Variants in RGS7 observed in about 807,000 individuals in gnomAD.
RGS7 encodes the protein regulator of G protein signaling 7.
In RGS7, 27 loss-of-function variants were observed where a neutral mutation model predicts 81.1. The observed-to-expected ratio is 0.33, with a 90% CI of 0.25 to 0.46. RGS7 has a LOEUF of 0.46. Ranked by LOEUF, RGS7 falls within the 20% of genes least tolerant of loss-of-function variation. RGS7 has a pLI of 1.00. For synonymous variants in RGS7, 208 were observed against 207.7 expected, an observed-to-expected ratio of 1.00 and a Z score of -0.01; for missense variants, 396 against 607.4, an observed-to-expected ratio of 0.65 and a Z score of 3.66.
chr1:240,981,242 T>C (rs1037757428), intron 4 of RGS7, among the ~76,000 whole-genome samples: 1 of 152,112 alleles, frequency 6.6e-6, no homozygotes, highest in African/African-American at 2.4e-5. Flanking sequence ...CCCAAGTAAC[T>C]GGGACTACAT....
chr1:241,027,702 T>C (rs1367189077), intron 3 of RGS7, among the ~76,000 whole-genome samples: 3 of 152,136 alleles, frequency 2.0e-5, no homozygotes, highest in Admixed American at 6.5e-5. Context: ...TTTGTATTTT[T>C]ACAACTGCAT....
intron 4 of RGS7, among the ~76,000 whole-genome samples, chr1:240,973,649 G>T (rs2148519312): frequency 6.6e-6 from 1 of 152,150 alleles, no homozygotes; most frequent in Middle Eastern, 3.4e-3. Context: ...GAGTGCAGTG[G>T]TGCCATCTCA....
rs187874169 is a variant in RGS7, at chr1:241,163,425, G to A, written c.79-64663C>T. Among the ~76,000 whole-genome samples, 219 of 152,200 alleles carry A rather than the reference G, an allele frequency of 1.4e-3. 2 individuals are homozygous for A. The highest frequency in any genetic ancestry group is 4.6e-3 in the African/African-American group (192 of 41,514). On this transcript the variant is annotated intron_variant, in intron 2 of 18. Coordinates refer to ENST00000440928, the MANE Select transcript of RGS7 (RefSeq NM_001364886.1). This position sits in a 1 kb window ranked among gnomAD's most constrained non-coding sequence, Gnocchi z 4.6. Reference sequence around the variant, plus strand: ...TAGCCATGCAAAGCTGTCTTTTGTCGGGGAGATACACATCTGCAGAGAAAA... The same window carrying A: ...TAGCCATGCAAAGCTGTCTTTTGTCAGGGAGATACACATCTGCAGAGAAAA...
chr1:241,178,984 T>C (rs2071382358), intron 2 of RGS7, among the ~76,000 whole-genome samples: 1 of 152,220 alleles, frequency 6.6e-6, no homozygotes, highest in Non-Finnish European at 1.5e-5. Context: ...CACATGCTAA[T>C]TATCTTCCAT....
At chr1:240,969,084 C>A (rs1317169270) in intron 4 of RGS7, among the ~76,000 whole-genome samples, 2 of 152,174 alleles carry the variant, frequency 1.3e-5, no homozygotes, top group East Asian at 3.8e-4. Flanking sequence ...TGAGTGGCTA[C>A]CCTGATGAAT....
chr1:241,166,504 C>T (rs2070258896), intron 2 of RGS7, among the ~76,000 whole-genome samples: 1 of 152,176 alleles, frequency 6.6e-6, no homozygotes, highest in South Asian at 2.1e-4. Context: ...GAGGGAGTCA[C>T]TCTGTAGCTG....
intron 3 of RGS7, among the ~76,000 whole-genome samples, chr1:240,999,780 C>T (rs1439143462): frequency 2.2e-5 from 3 of 135,906 alleles, no homozygotes; most frequent in Admixed American, 7.3e-5. Flanking sequence ...TTTTTTTTTT[C>T]CCAGTAGAGA....
Position 241,292,208 on chromosome 1 carries a change from T to G in RGS7, c.78+63491A>C, listed in dbSNP as rs377495009. ...TGACGCTGTTTTATAACTAACTTAT[T>G]ACATACTTCTACTTACATAAGTAAA... On this transcript the variant is annotated intron_variant, in intron 2 of 18. Coordinates refer to ENST00000440928, the MANE Select transcript of RGS7 (RefSeq NM_001364886.1). Among the ~76,000 whole-genome samples the G allele has an allele frequency of 5.3e-5, 8 of 152,220 alleles. No homozygotes were observed. The East Asian group carries it at 9.6e-4, about 18-fold the overall frequency.
chr1:240,794,899 A>G (rs1335470234), intron 18 of RGS7, among the ~76,000 whole-genome samples: 1 of 152,140 alleles, frequency 6.6e-6, no homozygotes, highest in Non-Finnish European at 1.5e-5. Flanking sequence ...AAATCCAGGT[A>G]AGGCTGGGCG....
At chr1:241,239,450 C>T (rs1028648133) in intron 2 of RGS7, among the ~76,000 whole-genome samples, 1 of 152,116 alleles carries the variant, frequency 6.6e-6, no homozygotes, top group African/African-American at 2.4e-5. Flanking sequence ...CATCATGTCC[C>T]CCCTTCACTC....
intron 2 of RGS7, among the ~76,000 whole-genome samples, chr1:241,234,763 C>T (rs776686335): frequency 3.3e-5 from 5 of 152,056 alleles, no homozygotes; most frequent in African/African-American, 4.8e-5. Context: ...TATACCACAT[C>T]CTATTGCATC....
chr1:241,004,454 A>G lies in RGS7; in HGVS notation c.176-21325T>C, dbSNP rs536704275. Among the ~76,000 whole-genome samples the G allele has an allele frequency of 4.6e-5, 7 of 152,306 alleles. No homozygotes were observed. The East Asian group carries it at 1.4e-3, about 29-fold the overall frequency. ...GTGAGGAAACAGATAAATAGATCAT[A>G]TAGGCATGAAGGAAAAGCCTCTCCT... On this transcript the variant is annotated intron_variant, in intron 3 of 18. Coordinates refer to ENST00000440928, the MANE Select transcript of RGS7 (RefSeq NM_001364886.1).
intron 2 of RGS7, among the ~76,000 whole-genome samples, chr1:241,173,147 A>G (rs1025211061): frequency 2.0e-5 from 3 of 152,180 alleles, no homozygotes; most frequent in Non-Finnish European, 4.4e-5. Context: ...AGGTTTTTAT[A>G]TCGCTCAACA....
At chr1:241,231,272 G>A (rs1184786087) in intron 2 of RGS7, among the ~76,000 whole-genome samples, 1 of 152,138 alleles carries the variant, frequency 6.6e-6, no homozygotes, top group African/African-American at 2.4e-5. Flanking sequence ...TATGGCTTTT[G>A]ATGACATAGA....
intron 6 of RGS7, among the ~76,000 whole-genome samples, chr1:240,895,054 TC>T (rs1179882992): frequency 2.0e-5 from 3 of 152,140 alleles, no homozygotes; most frequent in Non-Finnish European, 4.4e-5. Flanking sequence ...TAGTGAGTTC[TC>T]GTGAGATCTG....
intron 3 of RGS7, among the ~76,000 whole-genome samples, chr1:241,076,542 A>T (rs975340008): frequency 1.3e-5 from 2 of 152,204 alleles, no homozygotes; most frequent in Non-Finnish European, 2.9e-5. Context: ...ATCAAAGTTT[A>T]AATTCCCAGT....
rs1268501537 is a variant in RGS7 at position 241,101,368 on chromosome 1, C to G, written c.79-2606G>C. 1.3e-5 allele frequency among the ~76,000 whole-genome samples: 2 copies of G among 151,954 alleles called. 1 individual carries two copies. The highest frequency in any genetic ancestry group is 4.2e-4 in the South Asian group (2 of 4,808). On this transcript the variant is annotated intron_variant, in intron 2 of 18. Transcript: ENST00000440928. The stretch of plus-strand genomic sequence containing the variant: ...AAAATTAGCTGGGCATGGTGACAGG[C>G]GCCTGTAATCCCAGCTACTCGGGAG...
At position 241,002,310 on chromosome 1, in the gene RGS7, G is replaced by A. The variant is rs568042149; in HGVS notation, c.176-19181C>T. 2.5e-3 allele frequency among the ~76,000 whole-genome samples: 374 copies of A among 151,932 alleles called. 1 individual carries two copies. Among genetic ancestry groups the A allele is most frequent in the Middle Eastern group, 3.4e-3 (1 of 290 alleles). ...AAAAATGCAAAAAAAAAAATTAGCC[G>A]AGCTTGGTGGCTCATGCCTATAATC... On this transcript the variant is annotated intron_variant, in intron 3 of 18. Coordinates refer to ENST00000440928, the MANE Select transcript of RGS7 (RefSeq NM_001364886.1).
chr1:241,264,056 A>G (rs2077467529), intron 2 of RGS7, among the ~76,000 whole-genome samples: 1 of 152,252 alleles, frequency 6.6e-6, no homozygotes, highest in Non-Finnish European at 1.5e-5. Context: ...ACCACCGTGC[A>G]CCACCCTGAC....
Sources: gnomAD v4.1 joint callset for allele counts (sites outside exome capture counted in the v4.1 genomes callset) on GRCh38, gnomAD v4.1.1 for gene constraint, Gnocchi (gnomAD v3.1) non-coding constraint, MANE v1.5 for transcripts, NCBI Gene and HGNC (gene_info 2026-07-23, HGNC 2026-07-21) for gene names.